Variants in PARD3B observed in about 807,000 individuals in gnomAD.
The protein encoded by PARD3B is partitioning defective 3 homolog B.
In PARD3B, 103 loss-of-function variants were observed where a neutral mutation model predicts 130.2. That is an observed-to-expected ratio of 0.79 (90% CI 0.67 to 0.93). The LOEUF is 0.93. Among genes scored for constraint, PARD3B ranks in the 40% least tolerant of loss-of-function variants. The pLI is 0.00. For missense variants in PARD3B, 1,609 were observed against 1,499.2 expected, an observed-to-expected ratio of 1.07 and a Z score of -1.21; for synonymous variants, 583 against 553.2, an observed-to-expected ratio of 1.05 and a Z score of -0.76.
At chr2:205,571,506 G>A (rs1403625291) in intron 22 of PARD3B, among the ~76,000 whole-genome samples, 2 of 152,164 alleles carry the variant, frequency 1.3e-5, no homozygotes, top group South Asian at 4.1e-4. Context: ...GTCTCCAAGG[G>A]AGCAAGCAAA....
Position 205,160,886 on chromosome 2 carries a change from A to C in PARD3B, c.1620+1979A>C, listed in dbSNP as rs528254796. 2.6e-5 allele frequency among the ~76,000 whole-genome samples: 4 copies of C among 152,276 alleles called. No homozygotes were observed. In the East Asian group the frequency reaches 7.7e-4, roughly 29 times the overall value. On this transcript the variant is annotated intron_variant, in intron 11 of 22. Transcript: ENST00000406610. This position sits in a 1 kb window ranked among gnomAD's most constrained non-coding sequence, Gnocchi z 4.0. ...TGAATCCAGGCAGTCTGACTCCAGA[A>C]CCTGCGTTATGCTGCACTGAAATGA...
intron 18 of PARD3B, among the ~76,000 whole-genome samples, chr2:205,361,553 A>C (rs2044389903): frequency 6.6e-6 from 1 of 152,166 alleles, no homozygotes; most frequent in African/African-American, 2.4e-5. Context: ...GCCTAAGCCT[A>C]AACCATCTTC....
Position 205,011,996 on chromosome 2 carries a change from C to T in PARD3B, c.395-35585C>T, listed in dbSNP as rs1480708021. 1.3e-5 allele frequency among the ~76,000 whole-genome samples: 2 copies of T among 152,102 alleles called. No individual in the cohort carries two copies. Among genetic ancestry groups the T allele is most frequent in the Non-Finnish European group, 2.9e-5 (2 of 68,026 alleles). The stretch of plus-strand genomic sequence containing the variant: ...CGTTGGGCATTTTACAGGCTTTCTA[C>T]CCATCCTCTTGCCATCAGCCCCACC... On this transcript the variant is annotated intron_variant, in intron 3 of 22. Transcript: ENST00000406610. The surrounding 1 kb of genome is among the most constrained non-coding windows in gnomAD (Gnocchi z 4.1).
chr2:204,605,323 C>T (rs1285395064), intron 1 of PARD3B, among the ~76,000 whole-genome samples: 3 of 152,146 alleles, frequency 2.0e-5, no homozygotes, highest in African/African-American at 7.2e-5. Context: ...ATTGCTATGA[C>T]CATGTCATAA....
At chr2:205,048,464 G>C (rs190753486) in intron 4 of PARD3B, 5 of 152,268 alleles carry the variant, frequency 3.3e-5, no homozygotes, top group Admixed American at 1.3e-4. Flanking sequence ...AATCCTCTCA[G>C]ATAGCCTGAG....
At chr2:205,466,684 C>G (rs1483758681) in intron 20 of PARD3B, among the ~76,000 whole-genome samples, 2 of 152,118 alleles carry the variant, frequency 1.3e-5, no homozygotes, top group Non-Finnish European at 2.9e-5. Flanking sequence ...TGTACTTTAC[C>G]CTAATATGTG....
chr2:205,051,253 T>G (rs761033888), intron 4 of PARD3B, among the ~76,000 whole-genome samples: 1 of 152,160 alleles, frequency 6.6e-6, no homozygotes, highest in East Asian at 1.9e-4. Flanking sequence ...TATGATTTGA[T>G]AAGTGATGGT....
chr2:205,433,540 A>T (rs2047409416), intron 19 of PARD3B, among the ~76,000 whole-genome samples: 1 of 151,392 alleles, frequency 6.6e-6, no homozygotes, highest in Admixed American at 6.6e-5. Context: ...GTCAAAAAAA[A>T]AAAAAAAAAA....
At chr2:205,395,825 A>G (rs1421899143) in intron 18 of PARD3B, among the ~76,000 whole-genome samples, 1 of 152,188 alleles carries the variant, frequency 6.6e-6, no homozygotes, top group Admixed American at 6.5e-5. Flanking sequence ...ATCACATTGT[A>G]TCACTTCTGC....
chr2:205,132,786 AAAAGCAACACCTACCTTGTAG>A (rs1293046456), intron 10 of PARD3B, among the ~76,000 whole-genome samples: 6 of 152,172 alleles, frequency 3.9e-5, no homozygotes, highest in Non-Finnish European at 1.5e-5. Flanking sequence ...AAATGAGGAT[AAAAGCAACACCTACCTTGTAG>A]GGTTGTGTGA....
At chr2:204,932,486 T>G (rs1472967048) in intron 2 of PARD3B, among the ~76,000 whole-genome samples, 1 of 152,186 alleles carries the variant, frequency 6.6e-6, no homozygotes, top group Non-Finnish European at 1.5e-5. Context: ...AGGTGAAATC[T>G]AATTCTTACT....
chr2:204,823,949 A>AG (rs1266073007), intron 2 of PARD3B, among the ~76,000 whole-genome samples: 5 of 152,036 alleles, frequency 3.3e-5, no homozygotes, highest in Admixed American at 1.3e-4. Context: ...CAAAAAAAAA[A>AG]AAAATACATT....
At position 205,352,552 on chromosome 2, in the gene PARD3B, T is replaced by C. The variant is rs2044032808; in HGVS notation, c.2631-48461T>C. On this transcript the variant is annotated intron_variant, in intron 18 of 22. Transcript: ENST00000406610. This position sits in a 1 kb window ranked among gnomAD's most constrained non-coding sequence, Gnocchi z 5.2. ...AAGAGACTATTTGCTTTGATTTACATCTATATCACCTTCAATTTAATATTT... is the reference window on the plus strand; with the variant it reads ...AAGAGACTATTTGCTTTGATTTACACCTATATCACCTTCAATTTAATATTT... 6.6e-6 allele frequency among the ~76,000 whole-genome samples: 1 copy of C among 152,236 alleles called. No individual in the cohort carries two copies. Among genetic ancestry groups the C allele is most frequent in the African/African-American group, 2.4e-5 (1 of 41,464 alleles).
At chr2:205,594,093 C>A (rs1189045483) in intron 22 of PARD3B, among the ~76,000 whole-genome samples, 1 of 152,186 alleles carries the variant, frequency 6.6e-6, no homozygotes, top group African/African-American at 2.4e-5. Flanking sequence ...GGCCTGGAGC[C>A]TGTGTGGTTT....
At chr2:205,238,852 A>ATATATATATATATATGTATGTGTG (rs2039200561) in intron 15 of PARD3B, among the ~76,000 whole-genome samples, 3 of 71,034 alleles carry the variant, frequency 4.2e-5, no homozygotes, top group African/African-American at 1.9e-4. Flanking sequence ...AAAAAAAAAT[A>ATATATATATATATATGTATGTGTG]TATATATATA....
chr2:204,874,660 TCA>T (rs2045766418), intron 2 of PARD3B, among the ~76,000 whole-genome samples: 1 of 152,156 alleles, frequency 6.6e-6, no homozygotes, highest in African/African-American at 2.4e-5. Context: ...ACAAATGTAG[TCA>T]CATGTGTCAC....
At chr2:205,610,709 G>C (rs2105791303) in intron 22 of PARD3B, among the ~76,000 whole-genome samples, 2 of 152,266 alleles carry the variant, frequency 1.3e-5, no homozygotes, top group South Asian at 4.2e-4. Flanking sequence ...CCTCTACCCT[G>C]ATAAAATTTA....
intron 20 of PARD3B, among the ~76,000 whole-genome samples, chr2:205,469,317 C>T (rs1371963475): frequency 6.6e-6 from 1 of 152,136 alleles, no homozygotes; most frequent in Non-Finnish European, 1.5e-5. Context: ...TGTCTTGCCT[C>T]CTAGTCAGCA....
At chr2:204,686,150 G>T (rs115789066) in intron 1 of PARD3B, 31 bp from the exon 2 acceptor site, 1 of 1,410,294 alleles carries the variant, frequency 7.1e-7, no homozygotes, top group Admixed American at 1.7e-5. Context: ...ACATAGATTA[G>T]GTCATTAAAC....
Sources: gnomAD v4.1 joint callset for allele counts (sites outside exome capture counted in the v4.1 genomes callset) on GRCh38, gnomAD v4.1.1 for gene constraint, Gnocchi (gnomAD v3.1) non-coding constraint, MANE v1.5 for transcripts, NCBI Gene and HGNC (gene_info 2026-07-23, HGNC 2026-07-21) for gene names.